ARPP21: variants seen among roughly 807,000 people sequenced by gnomAD.
ARPP21 encodes the protein cAMP regulated phosphoprotein 21.
In ARPP21, 69 loss-of-function variants were observed where a neutral mutation model predicts 113.2. That is an observed-to-expected ratio of 0.61 (90% CI 0.50 to 0.74). ARPP21 has a LOEUF of 0.74. Among genes scored for constraint, ARPP21 ranks in the 30% least tolerant of loss-of-function variants. ARPP21 has a pLI of 0.00. For missense variants in ARPP21, 1,070 were observed against 1,037.4 expected (o/e 1.03, Z -0.43); for synonymous variants, 368 against 375.5 (o/e 0.98, Z 0.23).
chr3:35,739,631 A>G, intron 18 of ARPP21, 54 bp downstream of exon 18: 1 of 1,539,048 alleles, frequency 6.5e-7, no homozygotes, highest in Non-Finnish European at 8.8e-7. Flanking sequence ...ATGCATTTTG[A>G]CCTTTATCTT....
Position 35,716,296 on chromosome 3 carries a change from A to C in ARPP21, c.935+820A>C, listed in dbSNP as rs190794412. Among the ~76,000 whole-genome samples, 4 of 152,226 alleles carry C rather than the reference A, an allele frequency of 2.6e-5. No individual in the cohort carries two copies. The East Asian group carries it at 7.7e-4, about 29-fold the overall frequency. ...GTATCTATAAATAAAGTGGTGGTTA[A>C]TTTTATTTCAGGGTTTTGCTTAATG... On this transcript the variant is annotated intron_variant, in intron 12 of 20. Transcript: ENST00000684406.
At chr3:35,759,676 C>CTCTGTGTGTG (rs747297264) in intron 19 of ARPP21, among the ~76,000 whole-genome samples, 2 of 140,896 alleles carry the variant, frequency 1.4e-5, no homozygotes, top group African/African-American at 2.6e-5. Context: ...TTTTCTCTCT[C>CTCTGTGTGTG]TGTGTGTGTG....
intron 1 of ARPP21, among the ~76,000 whole-genome samples, chr3:35,670,338 C>T (rs538815988): frequency 6.6e-6 from 1 of 151,908 alleles, no homozygotes; most frequent in Non-Finnish European, 1.5e-5. Flanking sequence ...TTACATTCAA[C>T]TCTCTCACTT....
chr3:35,771,182 C>A (rs2096186525), intron 19 of ARPP21, among the ~76,000 whole-genome samples: 1 of 152,174 alleles, frequency 6.6e-6, no homozygotes, highest in African/African-American at 2.4e-5. Context: ...CATGGGAAGT[C>A]AGAGTGTTGA....
intron 19 of ARPP21, among the ~76,000 whole-genome samples, chr3:35,780,950 T>C (rs552312030): frequency 1.3e-5 from 2 of 151,992 alleles, no homozygotes; most frequent in African/African-American, 2.4e-5. Context: ...AGCTCTGAGA[T>C]GGCAGCCTGC....
intron 9 of ARPP21, among the ~76,000 whole-genome samples, chr3:35,694,755 A>G (rs2149713188): frequency 6.6e-6 from 1 of 151,226 alleles, no homozygotes; most frequent in Admixed American, 6.6e-5. Flanking sequence ...AAAAACAGTG[A>G]TTGATGGACA....
chr3:35,759,676 C>CTGGGTGTGTGTGTG (rs2095695283), intron 19 of ARPP21, among the ~76,000 whole-genome samples: 1 of 140,794 alleles, frequency 7.1e-6, no homozygotes. Flanking sequence ...TTTTCTCTCT[C>CTGGGTGTGTGTGTG]TGTGTGTGTG....
At position 35,681,855 on chromosome 3, in the gene ARPP21, A is replaced by G; in HGVS notation, c.104A>G (p.Asp35Gly). ...ENGIVKSESL[D>G]EEEKLELQRR... The stretch of plus-strand genomic sequence containing the variant: ...GGCATTGTTAAATCAGAAAGTCTGG[A>G]TGAAGAGGAGAAACTGGAACTGCAG... The change falls in exon 3 of 21, where the codon GAT (aspartate) becomes GGT (glycine). Residue 35 changes from aspartate (D) to glycine (G), a missense_variant. By Grantham distance (94) the Asp-to-Gly change is moderately conservative. Transcript: ENST00000684406. 1 of 1,612,032 alleles carries G rather than the reference A, an allele frequency of 6.2e-7. No individual in the cohort carries two copies. The highest frequency in any genetic ancestry group is 8.5e-7 in the Non-Finnish European group (1 of 1,178,692).
At chr3:35,774,576 A>G (rs932610257) in intron 19 of ARPP21, among the ~76,000 whole-genome samples, 1 of 152,282 alleles carries the variant, frequency 6.6e-6, no homozygotes, top group South Asian at 2.1e-4. Flanking sequence ...GAATTGTGTT[A>G]TACTTGGATG....
intron 15 of ARPP21, among the ~76,000 whole-genome samples, chr3:35,732,009 C>A (rs2094010539): frequency 6.6e-6 from 1 of 152,110 alleles, no homozygotes; most frequent in Non-Finnish European, 1.5e-5. Flanking sequence ...AGGCACTGTA[C>A]TGGTGCTCAA....
chr3:35,793,676 G>C (rs1230617198), intron 20 of ARPP21, 25 bp from the exon 21 acceptor site: 1 of 1,590,498 alleles, frequency 6.3e-7, no homozygotes, highest in Non-Finnish European at 8.6e-7. Context: ...CTTCATACAG[G>C]GTTCTTGCTT....
intron 1 of ARPP21, among the ~76,000 whole-genome samples, chr3:35,653,580 A>T (rs1703439149): frequency 6.6e-6 from 1 of 151,332 alleles, no homozygotes; most frequent in African/African-American, 2.4e-5. Flanking sequence ...TTTGGGACAC[A>T]CTCTCCCCCG....
intron 1 of ARPP21, among the ~76,000 whole-genome samples, chr3:35,673,067 A>T (rs1354752042): frequency 6.6e-6 from 1 of 152,086 alleles, no homozygotes; most frequent in Non-Finnish European, 1.5e-5. Flanking sequence ...TAGTTGTTTC[A>T]TTGGTGTGGT....
chr3:35,676,001 G>C (rs1000789478), intron 1 of ARPP21, among the ~76,000 whole-genome samples: 1 of 151,782 alleles, frequency 6.6e-6, no homozygotes, highest in Non-Finnish European at 1.5e-5. Context: ...TGATCTGTAG[G>C]TGTGTATATT....
chr3:35,663,021 G>A (rs937531386), intron 1 of ARPP21, among the ~76,000 whole-genome samples: 2 of 151,948 alleles, frequency 1.3e-5, no homozygotes, highest in Non-Finnish European at 2.9e-5. Context: ...AGAGTAGGGT[G>A]ACTATATTTA....
chr3:35,692,701 C>T (rs2082595417), intron 9 of ARPP21, among the ~76,000 whole-genome samples: 1 of 151,598 alleles, frequency 6.6e-6, no homozygotes, highest in African/African-American at 2.4e-5. Flanking sequence ...TATCAAGACT[C>T]CTGGTCATCT....
intron 19 of ARPP21, among the ~76,000 whole-genome samples, chr3:35,763,645 G>T (rs771694241): frequency 2.6e-5 from 4 of 152,080 alleles, no homozygotes; most frequent in Non-Finnish European, 5.9e-5. Context: ...AAATTGAATA[G>T]ATATTACAGA....
At chr3:35,741,675 C>T (rs1355582100) in intron 18 of ARPP21, among the ~76,000 whole-genome samples, 2 of 152,112 alleles carry the variant, frequency 1.3e-5, no homozygotes, top group Non-Finnish European at 2.9e-5. Flanking sequence ...CTCTTCTAAT[C>T]CACTCCTTTT....
intron 19 of ARPP21, among the ~76,000 whole-genome samples, chr3:35,754,970 G>A (rs2095524530): frequency 6.6e-6 from 1 of 151,900 alleles, no homozygotes; most frequent in Admixed American, 6.6e-5. Context: ...ATTAAAGATG[G>A]CAAGAAAAGA....
Sources: gnomAD v4.1 joint callset for allele counts (sites outside exome capture counted in the v4.1 genomes callset) on GRCh38, gnomAD v4.1.1 for gene constraint, MANE v1.5 for transcripts, NCBI Gene and HGNC (gene_info 2026-07-23, HGNC 2026-07-21) for gene names.